KAZN: variants seen among roughly 807,000 people sequenced by gnomAD.
The protein encoded by KAZN is kazrin.
Under a neutral mutation model 87.4 loss-of-function variants are expected in KAZN, and 40 were observed. The observed-to-expected ratio is 0.46, with a 90% CI of 0.36 to 0.60. KAZN has a LOEUF of 0.60. Ranked by LOEUF, KAZN falls within the 20% of genes least tolerant of loss-of-function variation. KAZN has a pLI of 0.00. For synonymous variants in KAZN, 466 were observed against 458.3 expected (o/e 1.02, Z -0.22); for missense variants, 898 against 1,073.9 (o/e 0.84, Z 2.29).
chr1:14,723,965 C>G (rs1643251965), intron 1 of KAZN, among the ~76,000 whole-genome samples: 1 of 152,138 alleles, frequency 6.6e-6, no homozygotes, highest in Admixed American at 6.5e-5. Context: ...GCAATGACGT[C>G]CACCGAATAT....
chr1:14,263,630 G>A (rs1651249601), intron 2 of KAZN, among the ~76,000 whole-genome samples: 1 of 152,194 alleles, frequency 6.6e-6, no homozygotes, highest in South Asian at 2.1e-4. Context: ...GGGAAAAAGT[G>A]TGGGAGCGGG....
At chr1:14,018,803 C>T (rs1180597921) in intron 1 of KAZN, among the ~76,000 whole-genome samples, 2 of 152,144 alleles carry the variant, frequency 1.3e-5, no homozygotes, top group African/African-American at 4.8e-5. Flanking sequence ...CCATGGTCCC[C>T]CTGAGTTCTC....
intron 1 of KAZN, among the ~76,000 whole-genome samples, chr1:14,883,344 A>AGGGAGGGAGGGAGGGAGGGAGGG: frequency 3.4e-5 from 1 of 29,678 alleles, no homozygotes; most frequent in African/African-American, 9.6e-5. Context: ...GAGAGAGAGA[A>AGGGAGGGAGGGAGGGAGGGAGGG]AGAAAGAAAG....
intron 2 of KAZN, among the ~76,000 whole-genome samples, chr1:14,398,531 G>A (rs575339415): frequency 2.6e-5 from 4 of 152,276 alleles, no homozygotes; most frequent in South Asian, 4.1e-4. Flanking sequence ...GAGACTTGGC[G>A]AGAGCAGGCT....
At chr1:14,570,561 T>C (rs1235382934) in intron 2 of KAZN, among the ~76,000 whole-genome samples, 1 of 152,240 alleles carries the variant, frequency 6.6e-6, no homozygotes, top group Non-Finnish European at 1.5e-5. Flanking sequence ...TAGCATTCAC[T>C]AGTACTTGTT....
intron 2 of KAZN, among the ~76,000 whole-genome samples, chr1:14,485,654 G>C (rs1177491738): frequency 3.3e-5 from 5 of 152,104 alleles, no homozygotes; most frequent in African/African-American, 1.2e-4. Context: ...CAGCACGTCG[G>C]GAGGCTGAGG....
At chr1:14,654,567 C>G (rs1000870061) in intron 1 of KAZN, among the ~76,000 whole-genome samples, 1 of 152,234 alleles carries the variant, frequency 6.6e-6, no homozygotes, top group African/African-American at 2.4e-5. Flanking sequence ...CCCACCCCAG[C>G]CTCCCACATT....
chr1:14,022,515 GAAAAA>G (rs1311797381), intron 1 of KAZN, among the ~76,000 whole-genome samples: 3 of 87,822 alleles, frequency 3.4e-5, no homozygotes, highest in Non-Finnish European at 2.4e-5. Context: ...AAAAAAAAAA[GAAAAA>G]AAGAAAAAAG....
rs559043908 is a variant in KAZN, at chr1:14,923,787, C to G, written c.227-36897C>G. 6.6e-6 allele frequency among the ~76,000 whole-genome samples: 1 copy of G among 152,188 alleles called. No individual in the cohort carries two copies. The highest frequency in any genetic ancestry group is 1.5e-5 in the Non-Finnish European group (1 of 68,028). On this transcript the variant is annotated intron_variant, in intron 1 of 14. Coordinates refer to ENST00000376030, the MANE Select transcript of KAZN (RefSeq NM_201628.3). The surrounding 1 kb of genome is among the most constrained non-coding windows in gnomAD (Gnocchi z 4.2). Reference sequence around the variant, plus strand: ...CTCTCCCGGTCAGCTGTGGGGACCTCGGCTCTCGGCAAGGCTGTCACAGGG... The same window carrying G: ...CTCTCCCGGTCAGCTGTGGGGACCTGGGCTCTCGGCAAGGCTGTCACAGGG...
intron 2 of KAZN, among the ~76,000 whole-genome samples, chr1:14,340,803 CA>C (rs1426940421): frequency 3.3e-5 from 5 of 150,060 alleles, no homozygotes; most frequent in African/African-American, 1.2e-4. Context: ...TCAGTTAAAA[CA>C]ATTACTTGGT....
intron 1 of KAZN, among the ~76,000 whole-genome samples, chr1:13,963,589 G>A (rs946990698): frequency 6.6e-6 from 1 of 151,998 alleles, no homozygotes; most frequent in African/African-American, 2.4e-5. Context: ...TATCATCCAG[G>A]CAATTATAGA....
At chr1:14,834,090 T>C (rs186434324) in intron 1 of KAZN, among the ~76,000 whole-genome samples, 1,998 of 150,622 alleles carry the variant, frequency 0.013, 61 homozygotes, top group Admixed American at 0.076. Flanking sequence ...GGCTGGAGTG[T>C]AGTGGTGTGA....
intron 2 of KAZN, among the ~76,000 whole-genome samples, chr1:14,323,430 TC>T (rs1656189331): frequency 6.6e-6 from 1 of 151,992 alleles, no homozygotes; most frequent in Admixed American, 6.6e-5. Context: ...AAATACCCTC[TC>T]CCCTTAGCAA....
At chr1:13,923,426 A>G (rs1640139798) in intron 1 of KAZN, among the ~76,000 whole-genome samples, 1 of 151,818 alleles carries the variant, frequency 6.6e-6, no homozygotes, top group Non-Finnish European at 1.5e-5. Flanking sequence ...ACAAAAAATT[A>G]GCCGGGCGTG....
chr1:14,622,146 A>T (rs2057027), intron 1 of KAZN, among the ~76,000 whole-genome samples: 16,113 of 152,170 alleles, frequency 0.11, 2,862 homozygotes, highest in African/African-American at 0.37. Flanking sequence ...TTGAAGTCAG[A>T]TGTGCTCTGA....
chr1:14,091,109 C>CAAAA (rs779056126), intron 1 of KAZN, among the ~76,000 whole-genome samples: 24 of 51,920 alleles, frequency 4.6e-4, no homozygotes, highest in African/African-American at 1.3e-3. Context: ...GAGACTCTGT[C>CAAAA]AAAAAAAAAA....
At chr1:14,258,218 C>CTTTCTTTCTTTCT (rs539198790) in intron 2 of KAZN, among the ~76,000 whole-genome samples, 11 of 126,454 alleles carry the variant, frequency 8.7e-5, no homozygotes, top group African/African-American at 3.3e-4. Context: ...TTCTTTCTTT[C>CTTTCTTTCTTTCT]TTTTTTTTTT....
At chr1:14,918,733 T>A (rs1658175788) in intron 1 of KAZN, among the ~76,000 whole-genome samples, 2 of 113,658 alleles carry the variant, frequency 1.8e-5, no homozygotes, top group African/African-American at 3.4e-5. Context: ...TATATATATA[T>A]ATATATATAT....
intron 1 of KAZN, among the ~76,000 whole-genome samples, chr1:14,918,857 G>A (rs1658193308): frequency 6.6e-6 from 1 of 151,302 alleles, no homozygotes; most frequent in African/African-American, 2.4e-5. Context: ...CTGACACCTT[G>A]ATTGCAGCCT....
Sources: gnomAD v4.1 joint callset for allele counts (sites outside exome capture counted in the v4.1 genomes callset) on GRCh38, gnomAD v4.1.1 for gene constraint, Gnocchi (gnomAD v3.1) non-coding constraint, MANE v1.5 for transcripts, NCBI Gene and HGNC (gene_info 2026-07-23, HGNC 2026-07-21) for gene names.